The following DYRK1A variants were observed in gnomAD, a reference collection of about 807,000 sequenced individuals.
The protein encoded by DYRK1A is dual specificity tyrosine-phosphorylation-regulated kinase 1A.
DYRK1A carries 9 observed loss-of-function variants against 79.7 expected under a neutral mutation model. That is an observed-to-expected ratio of 0.11 (90% CI 0.07 to 0.20). The LOEUF (loss-of-function observed/expected upper bound fraction) is 0.20, where lower values mean the gene tolerates loss of function less well. Ranked by LOEUF, DYRK1A falls within the 10% of genes least tolerant of loss-of-function variation. The pLI, the probability that DYRK1A is intolerant of heterozygous loss-of-function variation, is 1.00. For missense variants in DYRK1A, 622 were observed against 956.0 expected, an observed-to-expected ratio of 0.65 and a Z score of 4.61; for synonymous variants, 349 against 329.7, an observed-to-expected ratio of 1.06 and a Z score of -0.63.
In DYRK1A at chr21:37,403,295, ATTCTAATTC is replaced by A. The variant is rs2050086036; in HGVS notation, c.-76-17001_-76-16993del. On this transcript the variant is annotated intron_variant, in intron 1 of 11. Coordinates refer to ENST00000647188, the MANE Select transcript of DYRK1A (RefSeq NM_001347721.2). ...GTGTTCCTTTAAGATTTTGAAAATA[ATTCTAATTC>A]TTTGAATGTATAAAATAGCTGCTTT... is the stretch of plus-strand genomic sequence containing the variant. 3.9e-5 allele frequency among the ~76,000 whole-genome samples: 6 copies of A among 152,188 alleles called. No individual in the cohort carries two copies. In the East Asian group the frequency reaches 1.2e-3, roughly 29 times the overall value.
At chr21:37,459,915 A>AAT (rs1049650164) in intron 2 of DYRK1A, among the ~76,000 whole-genome samples, 60 of 152,330 alleles carry the variant, frequency 3.9e-4, no homozygotes, top group Non-Finnish European at 6.6e-4. Context: ...GCAAATTAAA[A>AAT]ATATATATAT....
chr21:37,485,010 C>G (rs545468189), intron 5 of DYRK1A, among the ~76,000 whole-genome samples: 5 of 152,286 alleles, frequency 3.3e-5, no homozygotes, highest in African/African-American at 1.2e-4. Flanking sequence ...AGGGATTTCT[C>G]CATTTCCGTA....
At chr21:37,474,241 T>C (rs74576265) in intron 3 of DYRK1A, among the ~76,000 whole-genome samples, 36 of 152,348 alleles carry the variant, frequency 2.4e-4, no homozygotes, top group African/African-American at 7.9e-4. Context: ...TTTTTATCAT[T>C]ATATTATTTT....
intron 3 of DYRK1A, among the ~76,000 whole-genome samples, chr21:37,474,048 G>T (rs1311922633): frequency 6.6e-6 from 1 of 152,200 alleles, no homozygotes; most frequent in East Asian, 1.9e-4. Context: ...CTGTCAGGCA[G>T]AGTGCTGTTT....
At chr21:37,449,725 C>G (rs1467763556) in intron 2 of DYRK1A, among the ~76,000 whole-genome samples, 1 of 152,094 alleles carries the variant, frequency 6.6e-6, no homozygotes, top group Non-Finnish European at 1.5e-5. Context: ...TTTGCTTTTC[C>G]TTTTCTCATT....
At chr21:37,475,258 T>C (rs559576017) in intron 3 of DYRK1A, among the ~76,000 whole-genome samples, 5 of 152,242 alleles carry the variant, frequency 3.3e-5, no homozygotes, top group South Asian at 2.1e-4. Flanking sequence ...GCAAAAGGGG[T>C]CATTTCTGCA....
chr21:37,479,623 T>TTTTTTTTTTTTG (rs2052558491), intron 4 of DYRK1A, among the ~76,000 whole-genome samples: 1 of 106,594 alleles, frequency 9.4e-6, no homozygotes, highest in African/African-American at 5.0e-5. Context: ...TTTTTTGTTT[T>TTTTTTTTTTTTG]TTTTTTTTTT....
At chr21:37,483,449 AT>A (rs1374299495) in intron 5 of DYRK1A, among the ~76,000 whole-genome samples, 4 of 152,334 alleles carry the variant, frequency 2.6e-5, no homozygotes, top group African/African-American at 9.6e-5. Context: ...TCACGTGTAT[AT>A]GTCTTCTTCC....
chr21:37,465,216 G>C lies in DYRK1A; in HGVS notation c.11-7468G>C, dbSNP rs138719748. 5.7e-3 allele frequency among the ~76,000 whole-genome samples: 867 copies of C among 152,176 alleles called. 5 individuals are homozygous for C. Among genetic ancestry groups the C allele is most frequent in the Middle Eastern group, 0.044 (13 of 294 alleles). ...AGGTGTTATAATACATAGCTAAAAA[G>C]GTACCAGAAGTGAAAAAGTTTTTTC... On this transcript the variant is annotated intron_variant, in intron 2 of 11. Coordinates refer to ENST00000647188, the MANE Select transcript of DYRK1A (RefSeq NM_001347721.2).
At chr21:37,453,878 C>T (rs1462855911) in intron 2 of DYRK1A, among the ~76,000 whole-genome samples, 12 of 152,096 alleles carry the variant, frequency 7.9e-5, no homozygotes, top group Non-Finnish European at 1.6e-4. Flanking sequence ...ACTTTGGTAT[C>T]ACTCAGCTAG....
Position 37,501,166 on chromosome 21 carries a change from GTT to G in DYRK1A, c.1213-4095_1213-4094del, listed in dbSNP as rs34646709. On this transcript the variant is annotated intron_variant, in intron 9 of 11. Coordinates refer to ENST00000647188, the MANE Select transcript of DYRK1A (RefSeq NM_001347721.2). ...TTATATGTTTTTTTTGTTGTTGTTG[GTT>G]TTTTTTTTTTTTTTTTTTTTTAAGA... is the stretch of plus-strand genomic sequence containing the variant. 2.8e-4 allele frequency among the ~76,000 whole-genome samples: 26 copies of G among 93,974 alleles called. 1 individual carries two copies. Among genetic ancestry groups the G allele is most frequent in the South Asian group, 1.0e-3 (3 of 2,926 alleles). The allele number at this position is 93,974 out of a possible 152,430, so 61.7% of individuals were successfully genotyped here.
rs746177928 is a variant in DYRK1A, at chr21:37,486,607, C to T, written c.630C>T (p.Tyr210=). The T allele has an allele frequency of 6.4e-7, 1 of 1,574,536 alleles. No homozygotes were observed. The highest frequency in any genetic ancestry group is 2.4e-5 in the East Asian group (1 of 42,428). ...LMNKHDTEMK[Y]YIVHLKRHFM... The stretch of plus-strand genomic sequence containing the variant: ...ACAAACATGACACTGAAATGAAATA[C>T]TACATAGGTAAACAAACAGGCAAAC... The change falls in exon 6 of 12, where the codon TAC becomes TAT. Residue 210 remains tyrosine (Y), a synonymous_variant. Transcript: ENST00000647188.
chr21:37,467,829 C>CT (rs1298649118), intron 2 of DYRK1A, among the ~76,000 whole-genome samples: 2 of 152,012 alleles, frequency 1.3e-5, no homozygotes, highest in African/African-American at 4.8e-5. Flanking sequence ...CTGTTACCTC[C>CT]TTTTTAAATC....
intron 2 of DYRK1A, chr21:37,430,212 G>A: frequency 1.2e-6 from 1 of 820,324 alleles, no homozygotes; most frequent in Non-Finnish European, 1.5e-6. Context: ...TTGTATATAG[G>A]TATGTTCACT....
Position 37,526,296 on chromosome 21 carries a change from A to G in DYRK1A, c.*13765A>G, listed in dbSNP as rs1304378330. On this transcript the variant is annotated 3_prime_UTR_variant, in exon 12 of 12. Coordinates refer to ENST00000647188, the MANE Select transcript of DYRK1A (RefSeq NM_001347721.2). Reference sequence around the variant, plus strand: ...AACTATCTAAAGAAAAATTTAATAGAGTCTAATAGAATCTTATAAAAATGT... The same window carrying G: ...AACTATCTAAAGAAAAATTTAATAGGGTCTAATAGAATCTTATAAAAATGT... The G allele has an allele frequency of 6.6e-6, 1 of 152,200 alleles. No homozygotes were observed. The highest frequency in any genetic ancestry group is 1.5e-5 in the Non-Finnish European group (1 of 68,046). The allele number at this position is 152,200 out of a possible 1,614,324, so 9.4% of individuals were successfully genotyped here.
rs537731478 is a variant in DYRK1A at position 37,495,143 on chromosome 21, T to C, written c.1072-975T>C. The stretch of plus-strand genomic sequence containing the variant: ...TATTAGGTCCATACTTTATTAAGCC[T>C]CTGGGATTTTGTGTGTGTGTGTGTG... On this transcript the variant is annotated intron_variant, in intron 8 of 11. Transcript: ENST00000647188. Among the ~76,000 whole-genome samples, 414 of 147,770 alleles carry C rather than the reference T, an allele frequency of 2.8e-3. 1 individual carries two copies. Among genetic ancestry groups the C allele is most frequent in the African/African-American group, 9.9e-3 (396 of 39,876 alleles).
chr21:37,396,529 T>C (rs78461786), intron 1 of DYRK1A, among the ~76,000 whole-genome samples: 1 of 76,232 alleles, frequency 1.3e-5, no homozygotes, highest in African/African-American at 4.2e-5. Context: ...AGTTTTTTTG[T>C]TTTTTTTTTT....
chr21:37,455,477 A>G (rs1450655713), intron 2 of DYRK1A, among the ~76,000 whole-genome samples: 1 of 152,084 alleles, frequency 6.6e-6, no homozygotes, highest in Non-Finnish European at 1.5e-5. Context: ...TCTTTTTCTG[A>G]CTTTTTAAGT....
At chr21:37,430,571 C>G (rs2835736) in intron 2 of DYRK1A, among the ~76,000 whole-genome samples, 49,482 of 152,080 alleles carry the variant, frequency 0.33, 8,475 homozygotes, top group African/African-American at 0.4. Context: ...TCCTAAGTGA[C>G]AGGACTGAGT....
Sources: allele counts gnomAD v4.1 joint callset (sites outside exome capture counted in the v4.1 genomes callset), GRCh38; gene constraint gnomAD v4.1.1; transcripts MANE v1.5; gene names NCBI Gene and HGNC (gene_info 2026-07-23, HGNC 2026-07-21).